PKDCC: variants seen among roughly 807,000 people sequenced by gnomAD.
The protein encoded by PKDCC is extracellular tyrosine-protein kinase PKDCC.
PKDCC carries 35 observed loss-of-function variants against 44.7 expected under a neutral mutation model. The ratio of observed to expected loss-of-function variants is 0.78; its 90% confidence interval spans 0.60 to 1.04. The LOEUF is 1.04. Ranked by LOEUF, PKDCC falls within the 50% of genes least tolerant of loss-of-function variation. The pLI is 0.00. For missense variants in PKDCC, 738 were observed against 672.7 expected (o/e 1.10, Z -1.07); for synonymous variants, 353 against 303.3 (o/e 1.16, Z -1.70).
chr2:42,054,731 G>T lies in PKDCC; in HGVS notation c.1035-210G>T. On this transcript the variant is annotated intron_variant, in intron 3 of 6. Coordinates refer to ENST00000294964, the MANE Select transcript of PKDCC (RefSeq NM_138370.3). The surrounding 1 kb of genome is among the most constrained non-coding windows in gnomAD (Gnocchi z 6.1). Reference sequence around the variant, plus strand: ...GGGAAGGGTTGGGAAGCAGGCCCCTGGTTTCGGTTAGTATGAAGTTAGGTG... The same window carrying T: ...GGGAAGGGTTGGGAAGCAGGCCCCTTGTTTCGGTTAGTATGAAGTTAGGTG... The T allele has an allele frequency of 1.6e-6, 1 of 617,804 alleles. No individual in the cohort carries two copies. 38.3% of individuals were successfully genotyped at this position (617,804 alleles called of 1,614,324 possible). A position where few individuals can be genotyped will look rare whatever the true frequency, so the allele number is the denominator to read the frequency against.
chr2:42,057,454 G>C (rs1558433703), intron 6 of PKDCC, 60 bp downstream of exon 6: 5 of 1,603,368 alleles, frequency 3.1e-6, no homozygotes, highest in Admixed American at 3.4e-5. Context: ...GAGGTTGATA[G>C]ATAGTGATCC....
At chr2:42,050,477 G>A (rs914455091) in intron 1 of PKDCC, among the ~76,000 whole-genome samples, 1 of 152,102 alleles carries the variant, frequency 6.6e-6, no homozygotes, top group Non-Finnish European at 1.5e-5. Context: ...TAAGAAACTT[G>A]TCCCTCACTC....
chr2:42,055,320 C>A lies in PKDCC; in HGVS notation c.1149C>A (p.Ala383=). 4 of 1,613,666 alleles carry A rather than the reference C, an allele frequency of 2.5e-6. No individual in the cohort carries two copies. The highest frequency in any genetic ancestry group is 3.4e-6 in the Non-Finnish European group (4 of 1,179,988). ...ELAWGVDETL[A]QLEKVLHLYR... Reference sequence around the variant, plus strand: ...CCTGGGGGGTGGACGAGACCCTGGCCCAGCTGGAGAAGGTGCTGCACCTGT... The same window carrying A: ...CCTGGGGGGTGGACGAGACCCTGGCACAGCTGGAGAAGGTGCTGCACCTGT... Residue 383 remains alanine, a synonymous_variant, in exon 5 of 7, where the codon GCC becomes GCA. Transcript: ENST00000294964. The surrounding 1 kb of genome is among the most constrained non-coding windows in gnomAD (Gnocchi z 4.5).
chr2:42,053,327 A>G lies in PKDCC; in HGVS notation c.728A>G (p.Gln243Arg), dbSNP rs1668000880. 3 of 1,613,654 alleles carry G rather than the reference A, an allele frequency of 1.9e-6. No homozygotes were observed. Among genetic ancestry groups the G allele is most frequent in the African/African-American group, 1.3e-5 (1 of 74,872 alleles). ...TELGAPVEMI[Q>R]LLQTSWEDRF... ...CTGGGCGCCCCTGTAGAAATGATCC[A>G]GCTGCTGCAAACTTCCTGGGAGGAT... Residue 243 changes from glutamine (Q) to arginine (R), a missense_variant, in exon 2 of 7, where the codon CAG becomes CGG. Gln to Arg is a conservative substitution (Grantham distance 43). Coordinates refer to ENST00000294964, the MANE Select transcript of PKDCC (RefSeq NM_138370.3).
Position 42,048,857 on chromosome 2 carries a change from G to A in PKDCC, c.639+19G>A. The A allele has an allele frequency of 2.1e-6, 3 of 1,454,160 alleles. No individual in the cohort carries two copies. The highest frequency in any genetic ancestry group is 2.7e-6 in the Non-Finnish European group (3 of 1,098,064). 90.1% of individuals were successfully genotyped at this position (1,454,160 alleles called of 1,614,324 possible). On this transcript the variant is annotated intron_variant, in intron 1 of 6. Transcript: ENST00000294964. The surrounding 1 kb of genome is among the most constrained non-coding windows in gnomAD (Gnocchi z 6.2). ...GCTGCAGGTACGAGGGTGGGGACGC[G>A]GGGGTAACGGTGTTGGCTGGGAGTG...
Position 42,055,476 on chromosome 2 carries a change from C to T in PKDCC, c.1222+83C>T. The T allele has an allele frequency of 6.4e-6, 8 of 1,244,944 alleles. No individual in the cohort carries two copies. Among genetic ancestry groups the T allele is most frequent in the South Asian group, 5.5e-5 (4 of 72,746 alleles). The allele number at this position is 1,244,944 out of a possible 1,614,324, so 77.1% of individuals were successfully genotyped here. ...CCCCGCCCAATTAGGCTAAGTGGCT[C>T]ACCCTTTCTCTGGGGACCCTTGTCT... On this transcript the variant is annotated intron_variant, in intron 5 of 6. Transcript: ENST00000294964. This position sits in a 1 kb window ranked among gnomAD's most constrained non-coding sequence, Gnocchi z 4.5.
Position 42,058,415 on chromosome 2 carries a change from G to A in PKDCC, c.*727G>A, listed in dbSNP as rs907110160. ...CAAAACCAGGCTTTCCCCCTTCCTC[G>A]AGTTTGAATATCCAGAATCTTTTGT... On this transcript the variant is annotated 3_prime_UTR_variant, in exon 7 of 7. Coordinates refer to ENST00000294964, the MANE Select transcript of PKDCC (RefSeq NM_138370.3). The surrounding 1 kb of genome is among the most constrained non-coding windows in gnomAD (Gnocchi z 4.2). 27 of 152,544 alleles carry A rather than the reference G, an allele frequency of 1.8e-4. No individual in the cohort carries two copies. The highest frequency in any genetic ancestry group is 6.0e-4 in the African/African-American group (25 of 41,408). 9.4% of individuals were successfully genotyped at this position (152,544 alleles called of 1,614,324 possible). A position where few individuals can be genotyped will look rare whatever the true frequency, so the allele number is the denominator to read the frequency against.
Position 42,048,208 on chromosome 2 carries a change from C to T in PKDCC, c.9C>T (p.Arg3=). 3.4e-6 allele frequency: 4 copies of T among 1,187,548 alleles called. No homozygotes were observed. The highest frequency in any genetic ancestry group is 3.1e-6 in the Non-Finnish European group (3 of 952,822). 73.6% of individuals were successfully genotyped at this position (1,187,548 alleles called of 1,614,324 possible). The change falls in exon 1 of 7, where the codon CGC becomes CGT. Residue 3 remains arginine, a synonymous_variant. Coordinates refer to ENST00000294964, the MANE Select transcript of PKDCC (RefSeq NM_138370.3). The surrounding 1 kb of genome is among the most constrained non-coding windows in gnomAD (Gnocchi z 6.2). ...CCGGGGGGAGGGGAGCGATGCGGCGCCGGCGGGCGGCAGTGGCCGCGGGTT... is the reference window on the plus strand; with the variant it reads ...CCGGGGGGAGGGGAGCGATGCGGCGTCGGCGGGCGGCAGTGGCCGCGGGTT... MR[R]RRAAVAAGFC...
Position 42,054,721 on chromosome 2 carries a change from G to A in PKDCC, c.1035-220G>A. The A allele has an allele frequency of 1.7e-6, 1 of 600,696 alleles. No homozygotes were observed. Among genetic ancestry groups the A allele is most frequent in the Non-Finnish European group, 3.0e-6 (1 of 337,554 alleles). The allele number at this position is 600,696 out of a possible 1,614,324, so 37.2% of individuals were successfully genotyped here. ...GGCAAGTCCTGGGAAGGGTTGGGAAGCAGGCCCCTGGTTTCGGTTAGTATG... is the reference window on the plus strand; with the variant it reads ...GGCAAGTCCTGGGAAGGGTTGGGAAACAGGCCCCTGGTTTCGGTTAGTATG... On this transcript the variant is annotated intron_variant, in intron 3 of 6. Transcript: ENST00000294964. This position sits in a 1 kb window ranked among gnomAD's most constrained non-coding sequence, Gnocchi z 6.1.
chr2:42,048,770 C>T lies in PKDCC; in HGVS notation c.571C>T (p.Leu191=), dbSNP rs751594192. ...CGGGGTACGGAGGGGCTGCTATCGGCTGGCGGCCCACAAGCTGCTTAAGGA... is the reference window on the plus strand; with the variant it reads ...CGGGGTACGGAGGGGCTGCTATCGGTTGGCGGCCCACAAGCTGCTTAAGGA... The part of the protein sequence containing the change: ...EFGVRRGCYR[L]AAHKLLKEMV... The change falls in exon 1 of 7, where the codon CTG becomes TTG. Residue 191 remains leucine, a synonymous_variant. Transcript: ENST00000294964. This position sits in a 1 kb window ranked among gnomAD's most constrained non-coding sequence, Gnocchi z 6.2. 2.6e-6 allele frequency: 4 copies of T among 1,558,958 alleles called. No homozygotes were observed. The highest frequency in any genetic ancestry group is 1.9e-5 in the Admixed American group (1 of 53,982).
chr2:42,055,562 G>C lies in PKDCC; in HGVS notation c.1222+169G>C. The C allele has an allele frequency of 1.6e-6, 1 of 611,446 alleles. No homozygotes were observed. The highest frequency in any genetic ancestry group is 2.8e-5 in the East Asian group (1 of 35,614). 37.9% of individuals were successfully genotyped at this position (611,446 alleles called of 1,614,324 possible). A position where few individuals can be genotyped will look rare whatever the true frequency, so the allele number is the denominator to read the frequency against. ...GAGGGGCTGACATGGACTAATTTGA[G>C]GTTCCATCTCTAGCTGAGCTAGAGC... is the stretch of plus-strand genomic sequence containing the variant. On this transcript the variant is annotated intron_variant, in intron 5 of 6. Transcript: ENST00000294964. This position sits in a 1 kb window ranked among gnomAD's most constrained non-coding sequence, Gnocchi z 4.5.
chr2:42,056,387 C>A (rs1327168453), intron 5 of PKDCC, among the ~76,000 whole-genome samples: 1 of 152,186 alleles, frequency 6.6e-6, no homozygotes, highest in Non-Finnish European at 1.5e-5. Context: ...CCTCCCCACT[C>A]TAGCCATGGA....
intron 2 of PKDCC, among the ~76,000 whole-genome samples, 173 bp from the exon 3 acceptor site, chr2:42,053,863 G>A (rs953784856): frequency 1.3e-5 from 2 of 152,110 alleles, no homozygotes; most frequent in Non-Finnish European, 2.9e-5. Flanking sequence ...GAAAATCACT[G>A]GCCTCCTCTC....
intron 5 of PKDCC, among the ~76,000 whole-genome samples, chr2:42,056,425 C>T (rs764383433): frequency 4.6e-4 from 70 of 152,274 alleles, no homozygotes; most frequent in African/African-American, 1.6e-3. Context: ...CATTTGCATG[C>T]CTCTTAACTT....
At chr2:42,057,497 TGA>T (rs1668077288) in intron 6 of PKDCC, 103 bp downstream of exon 6, 1 of 1,559,506 alleles carries the variant, frequency 6.4e-7, no homozygotes, top group Non-Finnish European at 8.8e-7. Flanking sequence ...GCTGAGGTGA[TGA>T]GAGAGAGGTA....
Position 42,054,113 on chromosome 2 carries a change from C to T in PKDCC, c.840C>T (p.Arg280=), listed in dbSNP as rs1201655753. 26 of 1,613,068 alleles carry T rather than the reference C, an allele frequency of 1.6e-5. No individual in the cohort carries two copies. The highest frequency in any genetic ancestry group is 1.9e-5 in the Non-Finnish European group (22 of 1,179,860). Residue 280 remains arginine, a synonymous_variant, in exon 3 of 7, where the codon CGC becomes CGT. Coordinates refer to ENST00000294964, the MANE Select transcript of PKDCC (RefSeq NM_138370.3). The surrounding 1 kb of genome is among the most constrained non-coding windows in gnomAD (Gnocchi z 6.1). ...GCTCCGTCACTCTGCTGGACTTCCGCCCTCGGCAGTTTGTGCTGGTGGATG... is the reference window on the plus strand; with the variant it reads ...GCTCCGTCACTCTGCTGGACTTCCGTCCTCGGCAGTTTGTGCTGGTGGATG... The part of the protein sequence containing the change: ...PLGSVTLLDF[R]PRQFVLVDGE...
rs1214923472 is a variant in PKDCC at position 42,048,214 on chromosome 2, G to A, written c.15G>A (p.Arg5=). 29 of 1,206,004 alleles carry A rather than the reference G, an allele frequency of 2.4e-5. No individual in the cohort carries two copies. Among genetic ancestry groups the A allele is most frequent in the African/African-American group, 3.3e-5 (2 of 61,200 alleles). The allele number at this position is 1,206,004 out of a possible 1,614,324, so 74.7% of individuals were successfully genotyped here. Residue 5 remains arginine (R), a synonymous_variant, in exon 1 of 7, where the codon CGG becomes CGA. Coordinates refer to ENST00000294964, the MANE Select transcript of PKDCC (RefSeq NM_138370.3). The surrounding 1 kb of genome is among the most constrained non-coding windows in gnomAD (Gnocchi z 6.2). ...GGAGGGGAGCGATGCGGCGCCGGCG[G>A]GCGGCAGTGGCCGCGGGTTTCTGCG... is the stretch of plus-strand genomic sequence containing the variant. MRRR[R]AAVAAGFCAS...
Position 42,057,353 on chromosome 2 carries a change from A to G in PKDCC, c.1355A>G (p.Gln452Arg), listed in dbSNP as rs1427203094. ...EAVDVCESHA[Q>R]CRAFVVTNQT... ...GTGGATGTCTGTGAGAGCCATGCCC[A>G]GTGTCGGGCCTTTGTGGTCACCAAC... Residue 452 changes from glutamine to arginine, a missense_variant, in exon 6 of 7, where the codon CAG (glutamine) becomes CGG (arginine). Gln to Arg is a conservative substitution (Grantham distance 43). Coordinates refer to ENST00000294964, the MANE Select transcript of PKDCC (RefSeq NM_138370.3). The G allele has an allele frequency of 1.9e-6, 3 of 1,614,212 alleles. No individual in the cohort carries two copies. The highest frequency in any genetic ancestry group is 1.7e-5 in the Admixed American group (1 of 60,026).
At chr2:42,049,327 G>A (rs1022780437) in intron 1 of PKDCC, among the ~76,000 whole-genome samples, 1 of 152,170 alleles carries the variant, frequency 6.6e-6, no homozygotes, top group African/African-American at 2.4e-5. Flanking sequence ...GCTGGGAAGA[G>A]CTGGAAAGAG....
Sources: gnomAD v4.1 joint callset for allele counts (sites outside exome capture counted in the v4.1 genomes callset) on GRCh38, gnomAD v4.1.1 for gene constraint, Gnocchi (gnomAD v3.1) non-coding constraint, MANE v1.5 for transcripts, NCBI Gene and HGNC (gene_info 2026-07-23, HGNC 2026-07-21) for gene names.